Variants in ATP8B4 observed in about 807,000 individuals in gnomAD.
ATP8B4 encodes probable phospholipid-transporting ATPase IM.
Under a neutral mutation model 145.6 loss-of-function variants are expected in ATP8B4, and 133 were observed. That is an observed-to-expected ratio of 0.91 (90% CI 0.79 to 1.05). The LOEUF (loss-of-function observed/expected upper bound fraction) is 1.05. ATP8B4 is among the 50% of genes least tolerant of loss of function. ATP8B4 has a pLI of 0.00. For missense variants in ATP8B4, 1,458 were observed against 1,425.2 expected, an observed-to-expected ratio of 1.02 and a Z score of -0.37; for synonymous variants, 507 against 492.9, an observed-to-expected ratio of 1.03 and a Z score of -0.38.
At chr15:50,104,931 C>T (rs998565503) in intron 2 of ATP8B4, among the ~76,000 whole-genome samples, 6 of 150,524 alleles carry the variant, frequency 4.0e-5, no homozygotes, top group Non-Finnish European at 5.9e-5. Flanking sequence ...TAAGAATGAA[C>T]GAAATAATGG....
intron 1 of ATP8B4, among the ~76,000 whole-genome samples, chr15:50,134,016 T>C (rs1394950725): frequency 6.6e-6 from 1 of 152,128 alleles, no homozygotes; most frequent in African/African-American, 2.4e-5. Flanking sequence ...TGTGTGGTGA[T>C]TGGATATGTT....
intron 13 of ATP8B4, among the ~76,000 whole-genome samples, chr15:49,967,943 A>C (rs902994992): frequency 6.6e-6 from 1 of 152,254 alleles, no homozygotes; most frequent in African/African-American, 2.4e-5. Context: ...AAACTCTACA[A>C]GCCAGAAGAG....
At chr15:49,888,921 C>T (rs994245528) in intron 23 of ATP8B4, among the ~76,000 whole-genome samples, 1 of 152,074 alleles carries the variant, frequency 6.6e-6, no homozygotes, top group Non-Finnish European at 1.5e-5. Context: ...AAACAGTTCG[C>T]CTAGGGACAG....
rs150761901 is a variant in ATP8B4, at chr15:50,032,276, C to T, written c.362+6492G>A. Among the ~76,000 whole-genome samples the T allele has an allele frequency of 3.6e-3, 552 of 151,758 alleles. 14 individuals carry two copies. The highest frequency in any genetic ancestry group is 2.7e-3 in the East Asian group (14 of 5,152). The stretch of plus-strand genomic sequence containing the variant: ...TTCAACTCCCACTTATGAATGAGAA[C>T]ATGTGGTATTTGGTTTTCTGTTCCT... On this transcript the variant is annotated intron_variant, in intron 6 of 27. Coordinates refer to ENST00000284509, the MANE Select transcript of ATP8B4 (RefSeq NM_024837.4).
Position 50,038,756 on chromosome 15 carries a change from T to A in ATP8B4, c.362+12A>T. 1 of 1,604,882 alleles carries A rather than the reference T, an allele frequency of 6.2e-7. No homozygotes were observed. The highest frequency in any genetic ancestry group is 8.5e-7 in the Non-Finnish European group (1 of 1,171,982). ...GAAATTTTCAGAATAACCCACAGAA[T>A]GTATTTCTTACTTGCTGTTGATGAG... On this transcript the variant is annotated intron_variant, in intron 6 of 27. Transcript: ENST00000284509.
intron 5 of ATP8B4, among the ~76,000 whole-genome samples, chr15:50,039,264 A>G (rs1567242964): frequency 6.6e-6 from 1 of 152,250 alleles, no homozygotes; most frequent in African/African-American, 2.4e-5. Context: ...TCAAGAAGTT[A>G]CTTGTAACAA....
intron 1 of ATP8B4, among the ~76,000 whole-genome samples, chr15:50,151,363 T>C (rs2044344982): frequency 6.6e-6 from 1 of 152,218 alleles, no homozygotes; most frequent in Non-Finnish European, 1.5e-5. Context: ...AAGGCAGATT[T>C]AGATTTTACC....
intron 14 of ATP8B4, among the ~76,000 whole-genome samples, chr15:49,936,455 G>A (rs1259629302): frequency 1.3e-5 from 2 of 152,098 alleles, no homozygotes; most frequent in Admixed American, 6.6e-5. Context: ...TAGGTTGAGA[G>A]CCATTTGAAG....
intron 26 of ATP8B4, among the ~76,000 whole-genome samples, chr15:49,865,439 G>A (rs2032616968): frequency 6.6e-6 from 1 of 152,224 alleles, no homozygotes; most frequent in Admixed American, 6.5e-5. Flanking sequence ...AACCCAGGGA[G>A]GGGGTTGGGG....
chr15:50,166,431 G>C (rs919252379), intron 1 of ATP8B4, among the ~76,000 whole-genome samples: 1 of 152,202 alleles, frequency 6.6e-6, no homozygotes, highest in African/African-American at 2.4e-5. Context: ...GTAGTCATCA[G>C]AGAGAATAAT....
chr15:49,902,135 A>G (rs778978553), intron 20 of ATP8B4: 19 of 157,004 alleles, frequency 1.2e-4, no homozygotes, highest in Non-Finnish European at 2.0e-4. Context: ...AACATAAGGC[A>G]AGCTGACAAA....
Position 50,150,802 on chromosome 15 carries a change from G to C in ATP8B4, c.-43+31459C>G, listed in dbSNP as rs561712896. 1.0e-3 allele frequency among the ~76,000 whole-genome samples: 154 copies of C among 152,334 alleles called. 2 individuals carry two copies. Among genetic ancestry groups the C allele is most frequent in the South Asian group, 3.1e-3 (15 of 4,818 alleles). On this transcript the variant is annotated intron_variant, in intron 1 of 3. Coordinates refer to the ATP8B4 transcript ENST00000558829. ...TACAACACAAAATTAATAGTAATAT[G>C]ACAATTCTAATTTGCATAATGGTTT...
At chr15:49,972,521 G>T in intron 13 of ATP8B4, 61 bp downstream of exon 13, 2 of 1,507,106 alleles carry the variant, frequency 1.3e-6, no homozygotes, top group East Asian at 2.3e-5. Flanking sequence ...TTTTTTAATG[G>T]GGTCAGTTAT....
At chr15:49,984,762 G>T (rs1440058641) in intron 10 of ATP8B4, among the ~76,000 whole-genome samples, 4 of 151,982 alleles carry the variant, frequency 2.6e-5, no homozygotes, top group African/African-American at 9.7e-5. Context: ...GCCTCCTAGG[G>T]CAGAAAGAAT....
intron 21 of ATP8B4, among the ~76,000 whole-genome samples, chr15:49,900,695 G>A (rs1472328524): frequency 6.6e-6 from 1 of 152,134 alleles, no homozygotes; most frequent in East Asian, 1.9e-4. Flanking sequence ...GTCAGGTTGT[G>A]CTCCACAAAT....
intron 1 of ATP8B4, among the ~76,000 whole-genome samples, chr15:50,173,143 G>C (rs939487481): frequency 2.9e-4 from 44 of 151,866 alleles, no homozygotes; most frequent in African/African-American, 1.0e-3. Flanking sequence ...CGGCCGCCCC[G>C]TCTGGGAAGT....
intron 20 of ATP8B4, 50 bp downstream of exon 20, chr15:49,916,884 C>A: frequency 6.7e-7 from 1 of 1,493,408 alleles, no homozygotes; most frequent in South Asian, 1.2e-5. Context: ...ATCTTTTTTC[C>A]CTCCCTCCCT....
chr15:49,990,054 G>C (rs893313749), intron 9 of ATP8B4, among the ~76,000 whole-genome samples: 1 of 152,168 alleles, frequency 6.6e-6, no homozygotes, highest in African/African-American at 2.4e-5. Context: ...TTCCATGATA[G>C]TAATAAAGGA....
intron 8 of ATP8B4, among the ~76,000 whole-genome samples, chr15:49,998,584 GTTGT>G (rs1179921636): frequency 3.9e-5 from 6 of 152,208 alleles, no homozygotes; most frequent in East Asian, 1.9e-4. Flanking sequence ...TTTTGATGAG[GTTGT>G]TTGTTTTTTT....
Sources: allele counts gnomAD v4.1 joint callset (sites outside exome capture counted in the v4.1 genomes callset), GRCh38; gene constraint gnomAD v4.1.1; transcripts MANE v1.5; gene names NCBI Gene and HGNC (gene_info 2026-07-23, HGNC 2026-07-21).